RALGPS1: variants seen among roughly 807,000 people sequenced by gnomAD.
The protein encoded by RALGPS1 is Ral GEF with PH domain and SH3 binding motif 1.
A neutral mutation model predicts 78.8 loss-of-function variants in RALGPS1; 19 were observed. That is an observed-to-expected ratio of 0.24 (90% confidence interval 0.17 to 0.35). The LOEUF (loss-of-function observed/expected upper bound fraction) is 0.35, where lower values mean the gene tolerates loss of function less well. Ranked by LOEUF, RALGPS1 falls within the 10% of genes least tolerant of loss-of-function variation. RALGPS1 has a pLI of 1.00. For missense variants in RALGPS1, 454 were observed against 688.3 expected (o/e 0.66, Z 3.81); for synonymous variants, 228 against 256.3 (o/e 0.89, Z 1.06).
intron 8 of RALGPS1, among the ~76,000 whole-genome samples, chr9:127,162,295 C>T (rs948753794): frequency 2.6e-5 from 4 of 152,152 alleles, no homozygotes; most frequent in African/African-American, 4.8e-5. Flanking sequence ...TGTCTGTGTG[C>T]GGTTGTGGGG....
chr9:127,187,527 G>A (rs2060730040), intron 11 of RALGPS1, among the ~76,000 whole-genome samples: 1 of 152,210 alleles, frequency 6.6e-6, no homozygotes, highest in African/African-American at 2.4e-5. Flanking sequence ...ATAGCGCTGG[G>A]CGCATTACAT....
At chr9:127,076,817 C>T (rs2050719502) in intron 8 of RALGPS1, among the ~76,000 whole-genome samples, 1 of 152,114 alleles carries the variant, frequency 6.6e-6, no homozygotes, top group Non-Finnish European at 1.5e-5. Flanking sequence ...ACCAAGGGGG[C>T]CCCAGCTAGT....
chr9:127,185,738 A>G (rs2060602014), intron 11 of RALGPS1, among the ~76,000 whole-genome samples: 1 of 152,134 alleles, frequency 6.6e-6, no homozygotes, highest in South Asian at 2.1e-4. Context: ...CTCCTGGTGT[A>G]ATTACCTGGC....
At chr9:127,019,059 G>A (rs1230635478) in intron 4 of RALGPS1, among the ~76,000 whole-genome samples, 2 of 152,074 alleles carry the variant, frequency 1.3e-5, no homozygotes, top group African/African-American at 4.8e-5. Context: ...TAAAATGTGT[G>A]GATTACATTA....
intron 5 of RALGPS1, among the ~76,000 whole-genome samples, chr9:127,045,216 T>C (rs2047648347): frequency 6.6e-6 from 1 of 152,210 alleles, no homozygotes; most frequent in African/African-American, 2.4e-5. Context: ...ACTTGAGGGA[T>C]CAGTGTAACA....
intron 11 of RALGPS1, among the ~76,000 whole-genome samples, chr9:127,191,690 G>GTT (rs898476778): frequency 3.6e-5 from 4 of 111,564 alleles, no homozygotes; most frequent in South Asian, 4.6e-4. Context: ...TGTTTTTTGG[G>GTT]TTTTTTTTTG....
intron 13 of RALGPS1, 37 bp downstream of exon 13, chr9:127,196,668 G>C: frequency 6.5e-7 from 1 of 1,541,874 alleles, no homozygotes; most frequent in Middle Eastern, 1.8e-4. Flanking sequence ...AGGCTGGTGG[G>C]CTGTAGGCCC....
chr9:127,155,290 G>GC (rs2139227729), intron 8 of RALGPS1, among the ~76,000 whole-genome samples: 1 of 152,358 alleles, frequency 6.6e-6, no homozygotes, highest in South Asian at 2.1e-4. Flanking sequence ...GGGCCCTTGA[G>GC]CATGCAGAGA....
chr9:126,917,802 A>G (rs2034329415), intron 1 of RALGPS1, among the ~76,000 whole-genome samples: 1 of 152,138 alleles, frequency 6.6e-6, no homozygotes, highest in South Asian at 2.1e-4. Flanking sequence ...TTTTTATGTA[A>G]CCTTGAACAA....
chr9:127,100,884 C>T (rs1020812036), intron 8 of RALGPS1, among the ~76,000 whole-genome samples: 3 of 152,210 alleles, frequency 2.0e-5, no homozygotes, highest in African/African-American at 7.2e-5. Context: ...CTTCCAAATG[C>T]TCACGAACCC....
chr9:127,043,341 G>T (rs573721549), intron 5 of RALGPS1, among the ~76,000 whole-genome samples: 3 of 151,962 alleles, frequency 2.0e-5, no homozygotes, highest in Non-Finnish European at 4.4e-5. Context: ...AGGTACAAGG[G>T]CATTCAGCGG....
rs137926551 is a variant in RALGPS1, at chr9:126,962,737, AGT to A, written c.57+393_57+394del. On this transcript the variant is annotated intron_variant, in intron 2 of 18. Coordinates refer to ENST00000259351, the MANE Select transcript of RALGPS1 (RefSeq NM_014636.3). Reference sequence around the variant, plus strand: ...CCCTGGGTTCTTATTTACCTTGCTCAGTGGGAAATGGTTATAAGGACTGGTGG... The same window carrying A: ...CCCTGGGTTCTTATTTACCTTGCTCAGGGAAATGGTTATAAGGACTGGTGG... Among the ~76,000 whole-genome samples, 1,216 of 152,316 alleles carry A rather than the reference AGT, an allele frequency of 8.0e-3. 24 individuals carry two copies. Among genetic ancestry groups the A allele is most frequent in the African/African-American group, 0.028 (1,150 of 41,566 alleles).
At chr9:127,118,958 C>T (rs2055749734) in intron 8 of RALGPS1, among the ~76,000 whole-genome samples, 1 of 152,206 alleles carries the variant, frequency 6.6e-6, no homozygotes, top group South Asian at 2.1e-4. Context: ...AGGACCTGAG[C>T]TCTGATTCTT....
intron 7 of RALGPS1, among the ~76,000 whole-genome samples, chr9:127,066,346 G>A (rs1394161432): frequency 6.6e-6 from 1 of 152,156 alleles, no homozygotes; most frequent in Non-Finnish European, 1.5e-5. Flanking sequence ...GCTTAACAAC[G>A]GAGCAGTTCT....
chr9:127,126,693 C>T (rs986221058), intron 8 of RALGPS1, among the ~76,000 whole-genome samples: 1 of 152,162 alleles, frequency 6.6e-6, no homozygotes, highest in Non-Finnish European at 1.5e-5. Flanking sequence ...CTAGAATTTT[C>T]ACTTGGTTTA....
chr9:127,017,780 G>T (rs1467393301), intron 4 of RALGPS1, among the ~76,000 whole-genome samples: 1 of 151,458 alleles, frequency 6.6e-6, no homozygotes, highest in Non-Finnish European at 1.5e-5. Context: ...TTTTCATTAA[G>T]AACTAAGACG....
intron 4 of RALGPS1, among the ~76,000 whole-genome samples, chr9:127,005,157 C>T (rs560537880): frequency 6.6e-6 from 1 of 152,310 alleles, no homozygotes; most frequent in East Asian, 1.9e-4. Context: ...AAATAATTGG[C>T]AGCAGTGCCA....
At chr9:126,931,851 A>G (rs944160646) in intron 1 of RALGPS1, among the ~76,000 whole-genome samples, 1 of 152,232 alleles carries the variant, frequency 6.6e-6, no homozygotes, top group African/African-American at 2.4e-5. Flanking sequence ...AGATAGACAA[A>G]AAAGAAAGAA....
In RALGPS1 at chr9:127,020,479, A is replaced by G. The variant is rs552888242; in HGVS notation, c.217-13952A>G. On this transcript the variant is annotated intron_variant, in intron 4 of 18. Transcript: ENST00000259351. ...AACAAGTTAGAGATTGCAGAAAACC[A>G]AAGTAATAAATTAAGGGACAAACTA... is the stretch of plus-strand genomic sequence containing the variant. 2.8e-4 allele frequency among the ~76,000 whole-genome samples: 42 copies of G among 152,378 alleles called. No individual in the cohort carries two copies. The South Asian group carries it at 8.5e-3, about 31-fold the overall frequency.
Sources: allele counts gnomAD v4.1 joint callset (sites outside exome capture counted in the v4.1 genomes callset), GRCh38; gene constraint gnomAD v4.1.1; transcripts MANE v1.5; gene names NCBI Gene and HGNC (gene_info 2026-07-23, HGNC 2026-07-21).